RYR1: variants seen among roughly 807,000 people sequenced by gnomAD.
RYR1 encodes ryanodine receptor 1, also known as central core disease of muscle.
Under a neutral mutation model 583.5 loss-of-function variants are expected in RYR1, and 342 were observed. The observed-to-expected ratio is 0.59, with a 90% CI of 0.54 to 0.64. The LOEUF is 0.64. Among genes scored for constraint, RYR1 ranks in the 30% least tolerant of loss-of-function variants. The pLI is 0.00. For synonymous variants in RYR1, 2,791 were observed against 2,822.5 expected, an observed-to-expected ratio of 0.99 and a Z score of 0.35; for missense variants, 6,032 against 6,917.2, an observed-to-expected ratio of 0.87 and a Z score of 4.54.
Position 38,543,989 on chromosome 19 carries a change from G to A in RYR1, c.12012+114G>A. On this transcript the variant is annotated intron_variant, in intron 87 of 105. Coordinates refer to ENST00000359596, the MANE Select transcript of RYR1 (RefSeq NM_000540.3). The surrounding 1 kb of genome is among the most constrained non-coding windows in gnomAD (Gnocchi z 4.4). ...ACCCGAGTGCTCCCGGCATGTTCCA[G>A]ACTGGTTCCCTCTCAGTGGCCAAAT... 9.3e-7 allele frequency: 1 copy of A among 1,076,800 alleles called. No homozygotes were observed. The highest frequency in any genetic ancestry group is 1.3e-5 in the South Asian group (1 of 74,542). 66.7% of individuals were successfully genotyped at this position (1,076,800 alleles called of 1,614,324 possible). A position where few individuals can be genotyped will look rare whatever the true frequency, so the allele number is the denominator to read the frequency against.
At chr19:38,462,286 G>T (rs1015167285) in intron 20 of RYR1, among the ~76,000 whole-genome samples, 1 of 152,156 alleles carries the variant, frequency 6.6e-6, no homozygotes, top group Non-Finnish European at 1.5e-5. Context: ...AAGATGAATG[G>T]ATATAGGCAA....
rs118192164 is a variant in RYR1 at position 38,525,455 on chromosome 19, C to T, written c.10579C>T (p.Pro3527Ser). 1 of 1,613,704 alleles carries T rather than the reference C, an allele frequency of 6.2e-7. No individual in the cohort carries two copies. The part of the protein sequence containing the change: ...MLPIGLNMCA[P>S]TDQDLITLAK... ...GCCCATCGGCCTGAATATGTGTGCG[C>T]CCACCGACCAAGACCTCATCACGCT... is the stretch of plus-strand genomic sequence containing the variant. The change falls in exon 71 of 106, where the codon CCC becomes TCC. Residue 3527 changes from proline to serine, a missense_variant. Pro to Ser is a moderately conservative substitution (Grantham distance 74). Around this residue, in one of 11 missense-constraint regions of RYR1, gnomAD observed 1,493 missense variants for 1,715.5 expected, o/e 0.87. Coordinates refer to ENST00000359596, the MANE Select transcript of RYR1 (RefSeq NM_000540.3).
At chr19:38,482,817 A>G (rs921591881) in intron 31 of RYR1, among the ~76,000 whole-genome samples, 24 of 152,084 alleles carry the variant, frequency 1.6e-4, no homozygotes, top group African/African-American at 4.6e-4. Flanking sequence ...TGATGTGTGC[A>G]GAGACAGATG....
At chr19:38,461,737 A>G (rs540150339) in intron 20 of RYR1, among the ~76,000 whole-genome samples, 2,958 of 135,604 alleles carry the variant, frequency 0.022, 120 homozygotes, top group African/African-American at 0.075. Context: ...AAAAAAAAAA[A>G]AAAGAAAGGG....
intron 27 of RYR1, among the ~76,000 whole-genome samples, chr19:38,472,789 T>C (rs567980360): frequency 2.3e-4 from 32 of 138,506 alleles, no homozygotes; most frequent in African/African-American, 8.7e-4. Context: ...TGAGCCAAGA[T>C]CACACCATTG....
At chr19:38,458,609 AT>A (rs66496685) in intron 18 of RYR1, among the ~76,000 whole-genome samples, 19 of 150,266 alleles carry the variant, frequency 1.3e-4, no homozygotes, top group Admixed American at 3.3e-4. Flanking sequence ...TTATTTATTT[AT>A]TTTGTTTGTT....
At position 38,457,637 on chromosome 19, in the gene RYR1, C is replaced by T. The variant is rs559157737; in HGVS notation, c.1925+7C>T. 1.6e-5 allele frequency: 26 copies of T among 1,613,852 alleles called. No individual in the cohort carries two copies. The highest frequency in any genetic ancestry group is 2.0e-5 in the Non-Finnish European group (24 of 1,179,862). ...TCATCAACTATGTCACCAGGTCTGG[C>T]TCTCAACATCTGACCCCAGAACTCA... On this transcript the variant is annotated splice_region_variant and intron_variant, in intron 17 of 105. Transcript: ENST00000359596.
intron 78 of RYR1, 119 bp downstream of exon 78, chr19:38,532,855 C>G (rs1015923919): frequency 2.0e-6 from 2 of 996,820 alleles, no homozygotes; most frequent in Non-Finnish European, 3.1e-6. Context: ...GTGACCAAGT[C>G]AGTCCACTGG....
Position 38,460,307 on chromosome 19 carries a change from C to T in RYR1, c.2361-68C>T, listed in dbSNP as rs2304147. The T allele has an allele frequency of 0.64, 898,792 of 1,398,186 alleles. 292,669 individuals carry two copies. Among genetic ancestry groups the T allele is most frequent in the Admixed American group, 0.69 (41,037 of 59,626 alleles). The allele number at this position is 1,398,186 out of a possible 1,614,324, so 86.6% of individuals were successfully genotyped here. A position where few individuals can be genotyped will look rare whatever the true frequency, so the allele number is the denominator to read the frequency against. On this transcript the variant is annotated intron_variant, in intron 19 of 105. Coordinates refer to ENST00000359596, the MANE Select transcript of RYR1 (RefSeq NM_000540.3). ...ATTGATCCCAGGACTGCTTCCATGT[C>T]CCCCACTGACCACAGACTGTCCCCC...
chr19:38,441,817 G>A (rs1972701955), intron 2 of RYR1, among the ~76,000 whole-genome samples: 1 of 151,942 alleles, frequency 6.6e-6, no homozygotes, highest in African/African-American at 2.4e-5. Flanking sequence ...GTGGGAGACT[G>A]AGGAGGGAGT....
At chr19:38,454,573 G>A (rs1010831115) in intron 13 of RYR1, among the ~76,000 whole-genome samples, 51 of 152,224 alleles carry the variant, frequency 3.4e-4, no homozygotes, top group African/African-American at 1.2e-3. Context: ...AAAAAACAAG[G>A]TTATGTAATA....
In RYR1 at chr19:38,505,002, G is replaced by C; in HGVS notation, c.8232-1G>C. 3 of 1,614,196 alleles carry C rather than the reference G, an allele frequency of 1.9e-6. No individual in the cohort carries two copies. Among genetic ancestry groups the C allele is most frequent in the Non-Finnish European group, 2.5e-6 (3 of 1,180,030 alleles). On this transcript the variant is annotated splice_acceptor_variant, in intron 51 of 105. Transcript: ENST00000359596. LOFTEE classifies it high-confidence loss of function. ...ATCTGCTGACCCTGTGCCCCCAACAGTGTGATCATCCCGGAGAAGCTGGAC... is the reference window on the plus strand; with the variant it reads ...ATCTGCTGACCCTGTGCCCCCAACACTGTGATCATCCCGGAGAAGCTGGAC...
intron 48 of RYR1, 49 bp from the exon 49 acceptor site, chr19:38,502,831 C>CAGGGGCAGGGGGAGG: frequency 6.6e-7 from 1 of 1,521,912 alleles, no homozygotes; most frequent in South Asian, 1.2e-5. Context: ...GCAGGGGCAG[C>CAGGGGCAGGGGGAGG]AGAGCGGGCC....
At chr19:38,491,240 T>C (rs950491148) in intron 37 of RYR1, among the ~76,000 whole-genome samples, 4 of 149,336 alleles carry the variant, frequency 2.7e-5, no homozygotes, top group African/African-American at 9.9e-5. Context: ...TGTAGAGCTC[T>C]TTGAATTTAT....
chr19:38,548,486 C>A, intron 89 of RYR1, 66 bp downstream of exon 89: 1 of 1,498,722 alleles, frequency 6.7e-7, no homozygotes, highest in Non-Finnish European at 9.3e-7. Flanking sequence ...CCATACCCTT[C>A]TGGCTGGCTG....
chr19:38,517,763 G>A, intron 66 of RYR1, 72 bp downstream of exon 66: 1 of 1,455,128 alleles, frequency 6.9e-7, no homozygotes, highest in Non-Finnish European at 9.6e-7. Context: ...TGGTCTGAAA[G>A]GGAGACCCAT....
At chr19:38,575,821 A>G in intron 96 of RYR1, 98 bp from the exon 97 acceptor site, 2 of 1,324,338 alleles carry the variant, frequency 1.5e-6, no homozygotes, top group Non-Finnish European at 2.2e-6. Flanking sequence ...AGGAAAAAGA[A>G]AAACAGTGGA....
At chr19:38,464,105 C>T (rs1967949785) in intron 22 of RYR1, among the ~76,000 whole-genome samples, 2 of 151,600 alleles carry the variant, frequency 1.3e-5, no homozygotes, top group African/African-American at 4.9e-5. Context: ...GGCAAAACCC[C>T]GTCTCTACTA....
chr19:38,458,857 G>A (rs936125823), intron 18 of RYR1, among the ~76,000 whole-genome samples: 4 of 152,162 alleles, frequency 2.6e-5, no homozygotes, highest in Admixed American at 6.5e-5. Context: ...GACCTCAAGT[G>A]ATCCATCCGC....
Sources: allele counts gnomAD v4.1 joint callset (sites outside exome capture counted in the v4.1 genomes callset), GRCh38; gene constraint gnomAD v4.1.1; regional missense constraint gnomAD v4.1.1; non-coding constraint Gnocchi (gnomAD v3.1); transcripts MANE v1.5; gene names NCBI Gene and HGNC (gene_info 2026-07-23, HGNC 2026-07-21).